GRM4: variants seen among roughly 807,000 people sequenced by gnomAD.
GRM4 encodes metabotropic glutamate receptor 4.
In GRM4, 28 loss-of-function variants were observed where a neutral mutation model predicts 81.7. That is an observed-to-expected ratio of 0.34 (90% CI 0.25 to 0.47). The LOEUF is 0.47. Ranked by LOEUF, GRM4 falls within the 20% of genes least tolerant of loss-of-function variation. The pLI is 1.00. For synonymous variants in GRM4, 488 were observed against 528.8 expected (o/e 0.92, Z 1.06); for missense variants, 948 against 1,290.0 (o/e 0.73, Z 4.06).
intron 3 of GRM4, among the ~76,000 whole-genome samples, chr6:34,088,512 A>G (rs1265204933): frequency 1.3e-5 from 2 of 152,218 alleles, no homozygotes; most frequent in African/African-American, 4.8e-5. Context: ...AAGACCGCAC[A>G]GCCAATCAGC....
chr6:34,110,309 CAA>C (rs3041237), intron 2 of GRM4, among the ~76,000 whole-genome samples: 8 of 79,014 alleles, frequency 1.0e-4, no homozygotes, highest in Admixed American at 3.1e-4. Context: ...CAACACCCAC[CAA>C]AAAAAAAAAA....
Position 34,080,830 on chromosome 6 carries a change from TCA to T in GRM4, c.736+11051_736+11052del, listed in dbSNP as rs34475739. Among the ~76,000 whole-genome samples the T allele has an allele frequency of 1.4e-5, 2 of 140,306 alleles. No individual in the cohort carries two copies. Among genetic ancestry groups the T allele is most frequent in the African/African-American group, 2.8e-5 (1 of 35,858 alleles). 92.0% of individuals were successfully genotyped at this position (140,306 alleles called of 152,430 possible). A position where few individuals can be genotyped will look rare whatever the true frequency, so the allele number is the denominator to read the frequency against. On this transcript the variant is annotated intron_variant, in intron 3 of 10. Coordinates refer to ENST00000538487, the MANE Select transcript of GRM4 (RefSeq NM_000841.4). This position sits in a 1 kb window ranked among gnomAD's most constrained non-coding sequence, Gnocchi z 5.4. The stretch of plus-strand genomic sequence containing the variant: ...CACTTCTCTCTTCTCTCTCTCTCTC[TCA>T]CACACACACACACATACACACACAC...
In GRM4 at chr6:34,048,755, G is replaced by A. The variant is rs1440112157; in HGVS notation, c.1168+7789C>T. Among the ~76,000 whole-genome samples, 1 of 152,054 alleles carries A rather than the reference G, an allele frequency of 6.6e-6. No homozygotes were observed. The highest frequency in any genetic ancestry group is 1.9e-4 in the East Asian group (1 of 5,180). ...GATAGTGAGTTCTCAAGAGATCTGA[G>A]GGTTTAAAAGTGTGGCACTTCCCCT... On this transcript the variant is annotated intron_variant, in intron 6 of 10. Transcript: ENST00000538487. The surrounding 1 kb of genome is among the most constrained non-coding windows in gnomAD (Gnocchi z 4.0).
At chr6:34,067,610 A>C (rs943954199) in intron 3 of GRM4, among the ~76,000 whole-genome samples, 31 of 85,464 alleles carry the variant, frequency 3.6e-4, no homozygotes, top group African/African-American at 6.5e-4. Flanking sequence ...TCCTCCCTTC[A>C]TGCCTTCCTC....
rs375603824 is a variant in GRM4 at position 34,133,068 on chromosome 6, G to C, written c.429C>G (p.Ile143Met). 1 of 1,613,910 alleles carries C rather than the reference G, an allele frequency of 6.2e-7. No homozygotes were observed. The highest frequency in any genetic ancestry group is 1.3e-5 in the African/African-American group (1 of 75,052). ...EVRCGSGGPP[I>M]ITKPERVVGV... ...CCACCACACGTTCAGGCTTGGTGAT[G>C]ATGGGTGGGCCGCCACTGCCACAGC... The change falls in exon 2 of 11, where the codon ATC becomes ATG. Residue 143 changes from isoleucine (I) to methionine (M), a missense_variant. Ile to Met is a conservative substitution (Grantham distance 10, BLOSUM62 1). Coordinates refer to ENST00000538487, the MANE Select transcript of GRM4 (RefSeq NM_000841.4). This position sits in a 1 kb window ranked among gnomAD's most constrained non-coding sequence, Gnocchi z 6.5.
intron 1 of GRM4, among the ~76,000 whole-genome samples, chr6:34,154,918 C>T (rs2127522459): frequency 6.6e-6 from 1 of 152,322 alleles, no homozygotes; most frequent in African/African-American, 2.4e-5. Flanking sequence ...CATCGCGGGC[C>T]AGCACCGCCG....
intron 1 of GRM4, among the ~76,000 whole-genome samples, chr6:34,138,122 G>A (rs927695162): frequency 6.6e-6 from 1 of 152,160 alleles, no homozygotes; most frequent in Admixed American, 6.5e-5. Context: ...CAGAATAAAG[G>A]GTAAATCGAG....
intron 1 of GRM4, among the ~76,000 whole-genome samples, chr6:34,145,761 G>C (rs911915633): frequency 6.6e-6 from 1 of 152,228 alleles, no homozygotes; most frequent in Non-Finnish European, 1.5e-5. Context: ...AATCCGGCAA[G>C]TTTGCGCTGA....
intron 2 of GRM4, among the ~76,000 whole-genome samples, chr6:34,098,609 T>C (rs1292906917): frequency 1.3e-5 from 2 of 152,336 alleles, no homozygotes; most frequent in South Asian, 2.1e-4. Flanking sequence ...GCCCCAGGCT[T>C]GGCTGCCTGC....
chr6:34,135,543 A>G (rs1770422721), intron 1 of GRM4, among the ~76,000 whole-genome samples: 1 of 152,222 alleles, frequency 6.6e-6, no homozygotes, highest in Non-Finnish European at 1.5e-5. Context: ...AAGTTTCATA[A>G]TACCACCCTC....
intron 1 of GRM4, among the ~76,000 whole-genome samples, chr6:34,138,080 A>G (rs956875596): frequency 6.6e-6 from 1 of 152,186 alleles, no homozygotes; most frequent in Admixed American, 6.5e-5. Context: ...TTATTCTTCC[A>G]AAACTAAGAA....
chr6:34,126,956 T>C (rs184989675), intron 2 of GRM4, among the ~76,000 whole-genome samples: 45 of 152,358 alleles, frequency 3.0e-4, no homozygotes, highest in African/African-American at 1.1e-3. Context: ...ATGACTGTGT[T>C]CCCATAAACC....
At chr6:34,087,642 A>T (rs1434825179) in intron 3 of GRM4, among the ~76,000 whole-genome samples, 1 of 151,240 alleles carries the variant, frequency 6.6e-6, no homozygotes, top group Admixed American at 6.6e-5. Flanking sequence ...CTTGACAGGG[A>T]GGAAGAAGTC....
chr6:34,131,657 C>G (rs909775574), intron 2 of GRM4, among the ~76,000 whole-genome samples: 2 of 152,194 alleles, frequency 1.3e-5, no homozygotes, highest in African/African-American at 4.8e-5. Context: ...CCCTTCATCT[C>G]CACTTCTACC....
chr6:34,029,260 C>A (rs1485614341), intron 9 of GRM4, among the ~76,000 whole-genome samples: 1 of 152,206 alleles, frequency 6.6e-6, no homozygotes, highest in Non-Finnish European at 1.5e-5. Flanking sequence ...CAAATCTGCT[C>A]TTTCTGAGCC....
Position 34,092,163 on chromosome 6 carries a change from T to G in GRM4, c.520-64A>C. On this transcript the variant is annotated intron_variant, in intron 2 of 10. Transcript: ENST00000538487. This position sits in a 1 kb window ranked among gnomAD's most constrained non-coding sequence, Gnocchi z 6.8. ...TCCCCACCCTGCCTAGCCAGCCCCA[T>G]TCCCCTACACACCAACCTCCCTTTG... 8.9e-7 allele frequency: 1 copy of G among 1,124,866 alleles called. No homozygotes were observed. Among genetic ancestry groups the G allele is most frequent in the South Asian group, 1.4e-5 (1 of 71,728 alleles). The allele number at this position is 1,124,866 out of a possible 1,614,324, so 69.7% of individuals were successfully genotyped here.
intron 9 of GRM4, among the ~76,000 whole-genome samples, chr6:34,031,969 T>TCA (rs770442831): frequency 2.0e-5 from 3 of 150,302 alleles, no homozygotes; most frequent in Non-Finnish European, 3.0e-5. Flanking sequence ...TCTCTCTCTC[T>TCA]CACACACACA....
intron 6 of GRM4, among the ~76,000 whole-genome samples, chr6:34,043,364 A>T (rs750158095): frequency 8.5e-5 from 13 of 152,132 alleles, no homozygotes; most frequent in Non-Finnish European, 1.6e-4. Context: ...GGACATAGAG[A>T]AGGCTGGGAC....
chr6:34,027,520 C>T (rs1440333921), intron 10 of GRM4, among the ~76,000 whole-genome samples: 1 of 152,220 alleles, frequency 6.6e-6, no homozygotes, highest in Non-Finnish European at 1.5e-5. Flanking sequence ...CTCTGCCTCA[C>T]CCTGCCCTCA....
Sources: allele counts gnomAD v4.1 joint callset (sites outside exome capture counted in the v4.1 genomes callset), GRCh38; gene constraint gnomAD v4.1.1; non-coding constraint Gnocchi (gnomAD v3.1); transcripts MANE v1.5; gene names NCBI Gene and HGNC (gene_info 2026-07-23, HGNC 2026-07-21).